DLG2: variants seen among roughly 807,000 people sequenced by gnomAD.
The protein encoded by DLG2 is discs large MAGUK scaffold protein 2.
In DLG2, 45 loss-of-function variants were observed where a neutral mutation model predicts 132.5. The ratio of observed to expected loss-of-function variants is 0.34; its 90% confidence interval spans 0.27 to 0.44. The LOEUF (loss-of-function observed/expected upper bound fraction) is 0.44, where lower values mean the gene tolerates loss of function less well. DLG2 is among the 20% of genes least tolerant of loss of function. DLG2 has a pLI of 1.00. For synonymous variants in DLG2, 424 were observed against 419.6 expected (o/e 1.01, Z -0.13); for missense variants, 1,045 against 1,196.9 (o/e 0.87, Z 1.87).
intron 6 of DLG2, among the ~76,000 whole-genome samples, chr11:84,754,433 G>A (rs2066589769): frequency 6.6e-6 from 1 of 152,092 alleles, no homozygotes; most frequent in Non-Finnish European, 1.5e-5. Context: ...AAATGTTTGA[G>A]TAAATGATCT....
At chr11:84,889,764 T>C (rs887708878) in intron 6 of DLG2, among the ~76,000 whole-genome samples, 1 of 152,186 alleles carries the variant, frequency 6.6e-6, no homozygotes, top group Non-Finnish European at 1.5e-5. Context: ...TGCTGAGGGT[T>C]AGTTCAGGTG....
intron 3 of DLG2, among the ~76,000 whole-genome samples, chr11:85,442,216 CAAA>C (rs1401607107): frequency 6.6e-6 from 1 of 152,036 alleles, no homozygotes; most frequent in East Asian, 1.9e-4. Context: ...ATGACATGAT[CAAA>C]CTTACATTTT....
chr11:84,353,624 A>G (rs1450432419), intron 7 of DLG2, among the ~76,000 whole-genome samples: 2 of 152,160 alleles, frequency 1.3e-5, no homozygotes, highest in Non-Finnish European at 2.9e-5. Flanking sequence ...TCTGCTCAAT[A>G]ACTTTGAAAT....
intron 6 of DLG2, among the ~76,000 whole-genome samples, chr11:84,798,266 G>C (rs753856616): frequency 8.5e-5 from 13 of 152,170 alleles, no homozygotes; most frequent in Non-Finnish European, 1.9e-4. Flanking sequence ...AGTGTGACAA[G>C]TTGCTCTAGG....
chr11:84,781,136 A>T (rs1434811754), intron 6 of DLG2, among the ~76,000 whole-genome samples: 1 of 151,646 alleles, frequency 6.6e-6, no homozygotes, highest in Non-Finnish European at 1.5e-5. Context: ...CCAAATGTGG[A>T]TGGAGCACAG....
At chr11:85,603,409 G>A (rs2080299701) in intron 2 of DLG2, among the ~76,000 whole-genome samples, 1 of 151,924 alleles carries the variant, frequency 6.6e-6, no homozygotes, top group South Asian at 2.1e-4. Context: ...GTATCTGTGG[G>A]CTCTAATCAC....
At chr11:84,298,580 T>C (rs1391695124) in intron 7 of DLG2, among the ~76,000 whole-genome samples, 1 of 152,260 alleles carries the variant, frequency 6.6e-6, no homozygotes, top group Non-Finnish European at 1.5e-5. Context: ...AGGTATACTT[T>C]GTTTTCTCAC....
At chr11:85,608,926 G>C (rs923730309) in intron 2 of DLG2, among the ~76,000 whole-genome samples, 2 of 152,140 alleles carry the variant, frequency 1.3e-5, no homozygotes, top group Non-Finnish European at 2.9e-5. Context: ...ATGAGAGTTT[G>C]GAGATACCTG....
intron 6 of DLG2, among the ~76,000 whole-genome samples, chr11:84,750,919 G>T (rs1030939788): frequency 6.6e-6 from 1 of 152,186 alleles, no homozygotes; most frequent in African/African-American, 2.4e-5. Flanking sequence ...TTTCTGGATG[G>T]GATAATTGAG....
chr11:83,606,852 G>A (rs2059412927), intron 19 of DLG2, among the ~76,000 whole-genome samples: 4 of 152,212 alleles, frequency 2.6e-5, no homozygotes, highest in South Asian at 4.1e-4. Context: ...GCATGAACCC[G>A]GGAGGCGGAG....
At chr11:83,664,338 T>C (rs2075051594) in intron 18 of DLG2, among the ~76,000 whole-genome samples, 1 of 152,172 alleles carries the variant, frequency 6.6e-6, no homozygotes, top group African/African-American at 2.4e-5. Context: ...CTGCATATTT[T>C]GTAAGCTTCG....
chr11:84,353,711 T>A (rs539879474), intron 7 of DLG2, among the ~76,000 whole-genome samples: 29 of 152,208 alleles, frequency 1.9e-4, no homozygotes, highest in Non-Finnish European at 3.5e-4. Flanking sequence ...GTTTTTGTCA[T>A]CATTTTTATC....
At chr11:85,471,003 CCTT>C (rs1334790431) in intron 3 of DLG2, among the ~76,000 whole-genome samples, 5 of 152,220 alleles carry the variant, frequency 3.3e-5, no homozygotes, top group South Asian at 2.1e-4. Context: ...ACCCAGGACT[CCTT>C]CTTTTCTCTT....
intron 6 of DLG2, among the ~76,000 whole-genome samples, chr11:84,735,990 A>G (rs2063779764): frequency 6.6e-6 from 1 of 151,964 alleles, no homozygotes; most frequent in African/African-American, 2.4e-5. Context: ...ACCCAAGGTC[A>G]CAAAGATGTT....
intron 6 of DLG2, among the ~76,000 whole-genome samples, chr11:84,699,312 G>C (rs1332381940): frequency 6.6e-6 from 1 of 151,364 alleles, no homozygotes; most frequent in African/African-American, 2.4e-5. Flanking sequence ...GAAGAGCTAG[G>C]GTAAAGAGTA....
intron 3 of DLG2, among the ~76,000 whole-genome samples, chr11:85,316,255 A>AGT (rs576706720): frequency 9.8e-4 from 149 of 152,128 alleles, no homozygotes; most frequent in Non-Finnish European, 1.7e-3. Flanking sequence ...CAATGTCGCT[A>AGT]GTGTAATTAA....
chr11:83,594,417 G>A (rs2097250083), intron 19 of DLG2, among the ~76,000 whole-genome samples: 1 of 152,148 alleles, frequency 6.6e-6, no homozygotes, highest in Non-Finnish European at 1.5e-5. Context: ...TCTTAGCTTT[G>A]TTAATACAGT....
intron 16 of DLG2, among the ~76,000 whole-genome samples, chr11:83,850,733 A>T (rs1160405474): frequency 2.0e-5 from 3 of 152,144 alleles, no homozygotes; most frequent in African/African-American, 7.2e-5. Context: ...ATTTGCATAT[A>T]CTTTCTTCAT....
intron 11 of DLG2, among the ~76,000 whole-genome samples, chr11:84,020,499 T>G (rs934900908): frequency 3.3e-5 from 5 of 152,174 alleles, no homozygotes; most frequent in Non-Finnish European, 5.9e-5. Flanking sequence ...AAAGAGAAAA[T>G]GTACTCTTCA....
Sources: allele counts gnomAD v4.1 joint callset (sites outside exome capture counted in the v4.1 genomes callset), GRCh38; gene constraint gnomAD v4.1.1; transcripts MANE v1.5; gene names NCBI Gene and HGNC (gene_info 2026-07-23, HGNC 2026-07-21).